The following RFC2 variants were observed in gnomAD, a reference collection of about 807,000 sequenced individuals.
The protein encoded by RFC2 is A1 40 kDa subunit.
Under a neutral mutation model 44.8 loss-of-function variants are expected in RFC2, and 34 were observed. That is an observed-to-expected ratio of 0.76 (90% CI 0.58 to 1.01). The LOEUF is 1.01. RFC2 is among the 50% of genes least tolerant of loss of function. The probability of loss-of-function intolerance (pLI) is 0.00; values close to 1 mark genes in which losing one functional copy is unlikely to be tolerated. For synonymous variants in RFC2, 177 were observed against 168.9 expected (o/e 1.05, Z -0.37); for missense variants, 400 against 453.6 (o/e 0.88, Z 1.07).
At chr7:74,234,529 C>A (rs1244705433) in intron 10 of RFC2, among the ~76,000 whole-genome samples, 3 of 151,846 alleles carry the variant, frequency 2.0e-5, no homozygotes, top group African/African-American at 7.3e-5. Flanking sequence ...CTGTGTGAAA[C>A]AAACTTGGTC....
At position 74,252,439 on chromosome 7, in the gene RFC2, C is replaced by T. The variant is rs1554721293; in HGVS notation, c.173G>A (p.Ser58Asn). The T allele has an allele frequency of 1.3e-6, 2 of 1,599,556 alleles. No homozygotes were observed. The highest frequency in any genetic ancestry group is 1.1e-5 in the South Asian group (1 of 90,790). The change falls in exon 2 of 11, where the codon AGC (serine) becomes AAC (asparagine). Residue 58 changes from serine to asparagine, a missense_variant. Coordinates refer to ENST00000055077, the MANE Select transcript of RFC2 (RefSeq NM_181471.3). ...AAAAAAGCCACTCACCTCTAGCCTGCTCACGGTGTCTTCATTCCCGACAAT... is the reference window on the plus strand; with the variant it reads ...AAAAAAGCCACTCACCTCTAGCCTGTTCACGGTGTCTTCATTCCCGACAAT... The part of the protein sequence containing the change: ...NEIVGNEDTV[S>N]RLEVFAREGN...
At chr7:74,242,175 C>A (rs1228875113) in intron 6 of RFC2, among the ~76,000 whole-genome samples, 1 of 152,108 alleles carries the variant, frequency 6.6e-6, no homozygotes, top group Non-Finnish European at 1.5e-5. Flanking sequence ...ACTGCCTATA[C>A]CAAGTACTCA....
At chr7:74,237,806 G>A (rs1310070868) in intron 8 of RFC2, among the ~76,000 whole-genome samples, 1 of 152,074 alleles carries the variant, frequency 6.6e-6, no homozygotes, top group Non-Finnish European at 1.5e-5. Context: ...GAGGTCTTTT[G>A]GGCCAATTCC....
chr7:74,240,059 G>C lies in RFC2; in HGVS notation c.572C>G (p.Thr191Arg). ...IQSRCAVLRY[T>R]KLTDAQILTR... Reference sequence around the variant, plus strand: ...GAGGATCTGGGCGTCGGTCAGCTTTGTGTACCGGAGGACTGCACAGCGGGA... The same window carrying C: ...GAGGATCTGGGCGTCGGTCAGCTTTCTGTACCGGAGGACTGCACAGCGGGA... Residue 191 changes from threonine (T) to arginine (R), a missense_variant, in exon 7 of 11, where the codon ACA becomes AGA. Transcript: ENST00000055077. The C allele has an allele frequency of 4.3e-6, 7 of 1,614,116 alleles. No homozygotes were observed. Among genetic ancestry groups the C allele is most frequent in the Non-Finnish European group, 5.9e-6 (7 of 1,179,978 alleles).
intron 5 of RFC2, 23 bp from the exon 6 acceptor site, chr7:74,243,269 G>C (rs1554719520): frequency 2.0e-6 from 3 of 1,524,468 alleles, no homozygotes; most frequent in Non-Finnish European, 9.1e-7. Flanking sequence ...ACACAAGTTT[G>C]CAAGTGGGAC....
chr7:74,242,856 G>A (rs1426875912), intron 6 of RFC2, among the ~76,000 whole-genome samples: 4 of 152,004 alleles, frequency 2.6e-5, no homozygotes, highest in African/African-American at 4.8e-5. Flanking sequence ...CTTGGAGGTG[G>A]AGGTTGCAGT....
At chr7:74,244,984 C>T (rs1306374807) in intron 5 of RFC2, among the ~76,000 whole-genome samples, 9 of 151,370 alleles carry the variant, frequency 5.9e-5, no homozygotes, top group East Asian at 2.0e-4. Flanking sequence ...CAAAAAACAA[C>T]GTTATAGGGT....
Position 74,246,411 on chromosome 7 carries a change from A to AC in RFC2, c.434+250_434+251insG, listed in dbSNP as rs1359973533. Among the ~76,000 whole-genome samples, 45 of 151,868 alleles carry AC rather than the reference A, an allele frequency of 3.0e-4. 1 individual carries two copies. Among genetic ancestry groups the AC allele is most frequent in the African/African-American group, 1.1e-3 (44 of 41,472 alleles). Reference sequence around the variant, plus strand: ...GAAACTCCATCTCAAAAAAAAAAAAAAACAAAAACCCTCATTTAAATTATT... The same window carrying AC: ...GAAACTCCATCTCAAAAAAAAAAAAACAACAAAAACCCTCATTTAAATTATT... On this transcript the variant is annotated intron_variant, in intron 5 of 10. Transcript: ENST00000055077.
At chr7:74,243,710 C>A (rs1554719567) in intron 5 of RFC2, among the ~76,000 whole-genome samples, 2 of 150,526 alleles carry the variant, frequency 1.3e-5, no homozygotes, top group Admixed American at 6.6e-5. Flanking sequence ...AAGCAATCCT[C>A]CCATCTCAAA....
Position 74,240,046 on chromosome 7 carries a change from G to A in RFC2, c.585C>T (p.Asp195=), listed in dbSNP as rs782523247. The A allele has an allele frequency of 7.1e-5, 115 of 1,614,054 alleles. No homozygotes were observed. The highest frequency in any genetic ancestry group is 1.6e-4 in the Middle Eastern group (1 of 6,062). Residue 195 remains aspartate (D), a synonymous_variant, in exon 7 of 11, where the codon GAC becomes GAT. Transcript: ENST00000055077. Reference sequence around the variant, plus strand: ...TCATCAGCCTGGTGAGGATCTGGGCGTCGGTCAGCTTTGTGTACCGGAGGA... The same window carrying A: ...TCATCAGCCTGGTGAGGATCTGGGCATCGGTCAGCTTTGTGTACCGGAGGA... ...CAVLRYTKLT[D]AQILTRLMNV... is the part of the protein sequence containing the mutation.
chr7:74,246,264 C>T (rs1489029100), intron 5 of RFC2, among the ~76,000 whole-genome samples: 4 of 150,590 alleles, frequency 2.7e-5, no homozygotes, highest in East Asian at 3.9e-4. Context: ...CCGGGTGTGG[C>T]GGCAGATGCC....
At chr7:74,249,708 A>G (rs374444469) in intron 3 of RFC2, 31 bp downstream of exon 3, 8 of 1,590,922 alleles carry the variant, frequency 5.0e-6, no homozygotes, top group African/African-American at 4.0e-5. Context: ...AGACATGGAG[A>G]CACTCAACAG....
intron 10 of RFC2, 37 bp from the exon 11 acceptor site, chr7:74,232,253 TGG>T: frequency 9.2e-7 from 1 of 1,086,032 alleles, no homozygotes; most frequent in Non-Finnish European, 1.4e-6. Flanking sequence ...GGTTAATAAG[TGG>T]GGGAGTTCTT....
intron 5 of RFC2, among the ~76,000 whole-genome samples, chr7:74,244,161 G>A (rs542438504): frequency 9.3e-5 from 14 of 150,254 alleles, no homozygotes; most frequent in African/African-American, 3.2e-4. Context: ...CCAGCTACTC[G>A]TGAGGCTGAG....
chr7:74,251,075 C>G (rs1786911166), intron 2 of RFC2, among the ~76,000 whole-genome samples: 1 of 152,160 alleles, frequency 6.6e-6, no homozygotes, highest in African/African-American at 2.4e-5. Context: ...GTGTGAGCCA[C>G]CACACCCGGC....
At chr7:74,236,276 A>G (rs1231027301) in intron 9 of RFC2, among the ~76,000 whole-genome samples, 3 of 152,112 alleles carry the variant, frequency 2.0e-5, no homozygotes, top group Non-Finnish European at 4.4e-5. Context: ...GAGGCAGAGA[A>G]GCTCTGTGCC....
In RFC2 at chr7:74,237,237, C is replaced by T. The variant is rs1803071222; in HGVS notation, c.840+125G>A. 1.1e-5 allele frequency: 7 copies of T among 634,282 alleles called. No homozygotes were observed. The Middle Eastern group carries it at 7.7e-4, about 70-fold the overall frequency. 39.3% of individuals were successfully genotyped at this position (634,282 alleles called of 1,614,324 possible). A position where few individuals can be genotyped will look rare whatever the true frequency, so the allele number is the denominator to read the frequency against. ...CAACAAATCCTCCTGCCTCAGTCTC[C>T]CAAGTAAGATTTCAAGAATGAATGG... On this transcript the variant is annotated intron_variant, in intron 9 of 10. Coordinates refer to ENST00000055077, the MANE Select transcript of RFC2 (RefSeq NM_181471.3).
intron 6 of RFC2, among the ~76,000 whole-genome samples, chr7:74,242,623 G>A (rs1803395793): frequency 6.6e-6 from 1 of 151,756 alleles, no homozygotes. Context: ...CAGCGCTAAA[G>A]AGCCAAGGCG....
rs782676611 is a variant in RFC2 at position 74,252,453 on chromosome 7, A to G, written c.159T>C (p.Asn53=). ...CCTCTAGCCTGCTCACGGTGTCTTC[A>G]TTCCCGACAATTTCATTCAGCTTTA... ...RPVKLNEIVG[N]EDTVSRLEVF... The change falls in exon 2 of 11, where the codon AAT becomes AAC. Residue 53 remains asparagine (N), a synonymous_variant. Coordinates refer to ENST00000055077, the MANE Select transcript of RFC2 (RefSeq NM_181471.3). 1 of 1,607,532 alleles carries G rather than the reference A, an allele frequency of 6.2e-7. No homozygotes were observed. The highest frequency in any genetic ancestry group is 1.3e-5 in the African/African-American group (1 of 74,650).
Sources: allele counts gnomAD v4.1 joint callset (sites outside exome capture counted in the v4.1 genomes callset), GRCh38; gene constraint gnomAD v4.1.1; transcripts MANE v1.5; gene names NCBI Gene and HGNC (gene_info 2026-07-23, HGNC 2026-07-21).